Variants in LRRC4B observed in about 807,000 individuals in gnomAD.
LRRC4B encodes the protein leucine-rich repeat-containing protein 4B.
Under a neutral mutation model 7.3 loss-of-function variants are expected in LRRC4B, and 1 was observed. That is an observed-to-expected ratio of 0.14 (90% CI 0.05 to 0.65). The LOEUF is 0.65. Among genes scored for constraint, LRRC4B ranks in the 30% least tolerant of loss-of-function variants. The pLI is 0.84. For synonymous variants in LRRC4B, 500 were observed against 499.2 expected, an observed-to-expected ratio of 1.00 and a Z score of -0.02; for missense variants, 730 against 1,041.6, an observed-to-expected ratio of 0.70 and a Z score of 4.12.
chr19:50,562,755 TGG>T (rs1982513570), intron 1 of LRRC4B, among the ~76,000 whole-genome samples: 1 of 150,876 alleles, frequency 6.6e-6, no homozygotes, highest in African/African-American at 2.4e-5. Context: ...TTTTTTTTTT[TGG>T]CGATGGAGTT....
intron 2 of LRRC4B, among the ~76,000 whole-genome samples, chr19:50,530,400 C>G (rs1981004652): frequency 6.6e-6 from 1 of 152,234 alleles, no homozygotes; most frequent in African/African-American, 2.4e-5. Flanking sequence ...GTCCTTGGAC[C>G]CTCTCGCCGG....
In LRRC4B at chr19:50,568,191, C is replaced by G. The variant is rs1261388246; in HGVS notation, c.-283G>C. On this transcript the variant is annotated 5_prime_UTR_variant, in exon 1 of 3. Coordinates refer to ENST00000652263, the MANE Select transcript of LRRC4B (RefSeq NM_001080457.2). ...GCCTCCTCGCCTCGCGCCCGCCTGC[C>G]GTCCGGCCCCGCGCCCTCGCCCGCC... is the stretch of plus-strand genomic sequence containing the variant. The G allele has an allele frequency of 6.5e-6, 1 of 153,232 alleles. No individual in the cohort carries two copies. Among genetic ancestry groups the G allele is most frequent in the Non-Finnish European group, 1.5e-5 (1 of 68,630 alleles). The allele number at this position is 153,232 out of a possible 1,614,324, so 9.5% of individuals were successfully genotyped here. A position where few individuals can be genotyped will look rare whatever the true frequency, so the allele number is the denominator to read the frequency against.
At chr19:50,549,141 T>G (rs906704896) in intron 1 of LRRC4B, among the ~76,000 whole-genome samples, 1 of 152,106 alleles carries the variant, frequency 6.6e-6, no homozygotes, top group Non-Finnish European at 1.5e-5. Flanking sequence ...AAACTGAGGC[T>G]GGGGGAGAGG....
chr19:50,534,973 A>G (rs977656239), intron 2 of LRRC4B, among the ~76,000 whole-genome samples: 6 of 151,922 alleles, frequency 3.9e-5, no homozygotes, highest in African/African-American at 1.2e-4. Flanking sequence ...GGTTCAAGTG[A>G]TTCTCCTGCC....
At position 50,517,390 on chromosome 19, in the gene LRRC4B, C is replaced by T; in HGVS notation, c.*181G>A. On this transcript the variant is annotated 3_prime_UTR_variant, in exon 3 of 3. Transcript: ENST00000652263. The surrounding 1 kb of genome is among the most constrained non-coding windows in gnomAD (Gnocchi z 6.6). ...TCCCAGAGACTCCGCTCCTGGAGCC[C>T]CACCCTGTCCTTACTGGGGGTCCGA... is the stretch of plus-strand genomic sequence containing the variant. 4.4e-6 allele frequency: 2 copies of T among 453,994 alleles called. No homozygotes were observed. Among genetic ancestry groups the T allele is most frequent in the Non-Finnish European group, 7.2e-6 (2 of 276,866 alleles). 28.1% of individuals were successfully genotyped at this position (453,994 alleles called of 1,614,324 possible). A position where few individuals can be genotyped will look rare whatever the true frequency, so the allele number is the denominator to read the frequency against.
In LRRC4B at chr19:50,546,388, GTGGTCCA is replaced by G. The variant is rs565006088; in HGVS notation, c.297+2147_297+2153del. ...TAAAGAGCCTCTGATTACCCTCGAC[GTGGTCCA>G]TGCCTCTTGCTGTCTGGGATGTGTC... is the stretch of plus-strand genomic sequence containing the variant. On this transcript the variant is annotated intron_variant, in intron 2 of 2. Transcript: ENST00000652263. Among the ~76,000 whole-genome samples the G allele has an allele frequency of 3.0e-3, 463 of 152,176 alleles. 2 individuals carry two copies. Among genetic ancestry groups the G allele is most frequent in the Middle Eastern group, 6.8e-3 (2 of 294 alleles).
intron 1 of LRRC4B, chr19:50,557,955 TCTTC>T (rs999398569): frequency 7.9e-5 from 12 of 152,200 alleles, no homozygotes; most frequent in African/African-American, 2.7e-4. Context: ...ATGTATTTTC[TCTTC>T]CTTAGCATTT....
chr19:50,550,886 AGACCCTGGCGAT>A (rs1421656150), intron 1 of LRRC4B: 1 of 152,230 alleles, frequency 6.6e-6, no homozygotes, highest in Non-Finnish European at 1.5e-5. Flanking sequence ...CTACCTCTTA[AGACCCTGGCGAT>A]GATCCAGCCC....
Position 50,524,577 on chromosome 19 carries a change from T to C in LRRC4B, c.298-5162A>G, listed in dbSNP as rs115344907. Among the ~76,000 whole-genome samples the C allele has an allele frequency of 9.4e-3, 1,430 of 152,280 alleles. 29 individuals are homozygous for C. Among genetic ancestry groups the C allele is most frequent in the African/African-American group, 0.033 (1,368 of 41,540 alleles). On this transcript the variant is annotated intron_variant, in intron 2 of 2. Coordinates refer to ENST00000652263, the MANE Select transcript of LRRC4B (RefSeq NM_001080457.2). ...CCCACATGTGTAATTTTAAATTTCC[T>C]AGAAGCCACATTGAAATAATAATAA...
At chr19:50,552,763 TCCATCCATCCATCCATCCGTCCAC>T (rs1273545013) in intron 1 of LRRC4B, among the ~76,000 whole-genome samples, 1 of 151,690 alleles carries the variant, frequency 6.6e-6, no homozygotes, top group Non-Finnish European at 1.5e-5. Context: ...CATCCACCCA[TCCATCCATCCATCCATCCGTCCAC>T]CCATCCATCC....
Position 50,563,172 on chromosome 19 carries a change from T to C in LRRC4B, c.-36+4772A>G, listed in dbSNP as rs1862477. 0.84 allele frequency among the ~76,000 whole-genome samples: 128,143 copies of C among 152,080 alleles called. 54,710 individuals are homozygous for C. Among genetic ancestry groups the C allele is most frequent in the African/African-American group, 0.89 (36,794 of 41,494 alleles). On this transcript the variant is annotated intron_variant, in intron 1 of 2. Coordinates refer to ENST00000652263, the MANE Select transcript of LRRC4B (RefSeq NM_001080457.2). The surrounding 1 kb of genome is among the most constrained non-coding windows in gnomAD (Gnocchi z 4.9). The stretch of plus-strand genomic sequence containing the variant: ...GCCTGCCTCCCGCAGTGAGCCCCCA[T>C]CAGCCCCTCTCGTGGGTCTCCAAGG...
intron 2 of LRRC4B, among the ~76,000 whole-genome samples, chr19:50,545,721 CTTTT>C (rs532216155): frequency 0.47 from 61,966 of 131,650 alleles, 14,430 homozygotes; most frequent in African/African-American, 0.55. Context: ...AGAGTTATTA[CTTTT>C]TTTTTTTTTT....
chr19:50,524,643 T>C (rs1001361702), intron 2 of LRRC4B, among the ~76,000 whole-genome samples: 3 of 152,178 alleles, frequency 2.0e-5, no homozygotes, highest in Non-Finnish European at 4.4e-5. Flanking sequence ...ACTAATATAT[T>C]TATTTAGCTC....
chr19:50,545,027 G>C (rs970302944), intron 2 of LRRC4B, among the ~76,000 whole-genome samples: 2 of 151,394 alleles, frequency 1.3e-5, no homozygotes, highest in Admixed American at 1.3e-4. Context: ...CGGGAGAATG[G>C]TGTGAACCCA....
chr19:50,545,394 G>A (rs1379057135), intron 2 of LRRC4B, among the ~76,000 whole-genome samples: 3 of 137,100 alleles, frequency 2.2e-5, no homozygotes, highest in African/African-American at 8.3e-5. Context: ...GGTAACAAGA[G>A]TGAAACTCCA....
At position 50,553,262 on chromosome 19, in the gene LRRC4B, G is replaced by A. The variant is rs923854682; in HGVS notation, c.-35-4389C>T. Reference sequence around the variant, plus strand: ...TCCCCGTGCGTTCCCCACGGGCAGCGAGGGGTATCCTGTCAACACCCCATG... The same window carrying A: ...TCCCCGTGCGTTCCCCACGGGCAGCAAGGGGTATCCTGTCAACACCCCATG... On this transcript the variant is annotated intron_variant, in intron 1 of 2. Coordinates refer to ENST00000652263, the MANE Select transcript of LRRC4B (RefSeq NM_001080457.2). This position sits in a 1 kb window ranked among gnomAD's most constrained non-coding sequence, Gnocchi z 4.2. 4.6e-5 allele frequency among the ~76,000 whole-genome samples: 7 copies of A among 151,968 alleles called. No individual in the cohort carries two copies. Among genetic ancestry groups the A allele is most frequent in the Non-Finnish European group, 1.0e-4 (7 of 67,990 alleles).
At chr19:50,564,775 C>T (rs1028220560) in intron 1 of LRRC4B, among the ~76,000 whole-genome samples, 1 of 151,908 alleles carries the variant, frequency 6.6e-6, no homozygotes, top group Non-Finnish European at 1.5e-5. Flanking sequence ...GTGAGCTACA[C>T]AGCAGGTGTC....
intron 1 of LRRC4B, among the ~76,000 whole-genome samples, chr19:50,552,656 CCA>C (rs1185287788): frequency 3.3e-5 from 4 of 121,164 alleles, no homozygotes; most frequent in South Asian, 3.4e-4. Flanking sequence ...GTCCATCCAT[CCA>C]TCCATCCATC....
intron 2 of LRRC4B, among the ~76,000 whole-genome samples, chr19:50,536,334 A>G (rs138476213): frequency 5.1e-4 from 78 of 152,206 alleles, no homozygotes; most frequent in African/African-American, 1.8e-3. Flanking sequence ...GGGTTTCACT[A>G]CGTTGGTCAG....
Sources: allele counts gnomAD v4.1 joint callset (sites outside exome capture counted in the v4.1 genomes callset), GRCh38; gene constraint gnomAD v4.1.1; non-coding constraint Gnocchi (gnomAD v3.1); transcripts MANE v1.5; gene names NCBI Gene and HGNC (gene_info 2026-07-23, HGNC 2026-07-21).